The following FANCL variants were observed in gnomAD, a reference collection of about 807,000 sequenced individuals.
FANCL encodes the protein FA complementation group L, also known as E3 ubiquitin-protein ligase FANCL.
In FANCL, 69 loss-of-function variants were observed where a neutral mutation model predicts 59.4. That is an observed-to-expected ratio of 1.16 (90% CI 0.96 to 1.42). The LOEUF (loss-of-function observed/expected upper bound fraction) is 1.42, where lower values mean the gene tolerates loss of function less well. Among genes scored for constraint, FANCL ranks in the 40% most tolerant of loss-of-function variants. The probability of loss-of-function intolerance (pLI) is 0.00; values close to 1 mark genes in which losing one functional copy is unlikely to be tolerated. For synonymous variants in FANCL, 180 were observed against 147.1 expected (o/e 1.22, Z -1.62); for missense variants, 519 against 447.2 (o/e 1.16, Z -1.45).
chr2:58,184,049 G>C (rs1688173859), intron 7 of FANCL, among the ~76,000 whole-genome samples: 1 of 151,944 alleles, frequency 6.6e-6, no homozygotes, highest in South Asian at 2.1e-4. Context: ...AAATATAACT[G>C]TTTGAAAATC....
chr2:58,192,985 C>T (rs912725540), intron 7 of FANCL, among the ~76,000 whole-genome samples: 6 of 151,666 alleles, frequency 4.0e-5, no homozygotes, highest in African/African-American at 1.2e-4. Context: ...CTAAAAAATA[C>T]AATTAAAAAG....
At chr2:58,232,410 C>A (rs539632371) in intron 1 of FANCL, among the ~76,000 whole-genome samples, 1 of 151,954 alleles carries the variant, frequency 6.6e-6, no homozygotes, top group African/African-American at 2.4e-5. Flanking sequence ...AAATTGCTAA[C>A]CAGGCCCATA....
intron 7 of FANCL, among the ~76,000 whole-genome samples, chr2:58,179,768 A>G (rs1687736875): frequency 6.6e-6 from 1 of 152,196 alleles, no homozygotes; most frequent in Admixed American, 6.5e-5. Context: ...ACAGCAAAAG[A>G]AACTATCATT....
intron 2 of FANCL, 131 bp downstream of exon 2, chr2:58,231,923 G>A (rs746211577): frequency 1.8e-4 from 132 of 746,130 alleles, no homozygotes; most frequent in Non-Finnish European, 2.8e-4. Flanking sequence ...AATCAGAAAT[G>A]TTTCTTTTGG....
At chr2:58,177,629 T>G (rs1333091789) in intron 7 of FANCL, among the ~76,000 whole-genome samples, 1 of 78,726 alleles carries the variant, frequency 1.3e-5, no homozygotes, top group Non-Finnish European at 2.3e-5. Context: ...TGGGGACTGT[T>G]GTGGGGTGGG....
chr2:58,184,657 A>T (rs1413437648), intron 7 of FANCL, among the ~76,000 whole-genome samples: 1 of 152,130 alleles, frequency 6.6e-6, no homozygotes, highest in Non-Finnish European at 1.5e-5. Context: ...ACAACCCTTA[A>T]ACATACATAC....
At chr2:58,241,343 C>T (rs371921135), upstream of FANCL, 9 of 1,608,396 alleles carry the variant, frequency 5.6e-6, no homozygotes, top group African/African-American at 1.3e-5. Flanking sequence ...CACAGAAAAG[C>T]TCTAGACCTG....
Position 58,183,778 on chromosome 2 carries a change from C to A in FANCL, c.540+14816G>T, listed in dbSNP as rs115968355. Among the ~76,000 whole-genome samples the A allele has an allele frequency of 6.0e-3, 916 of 151,664 alleles. 12 individuals are homozygous for A. The highest frequency in any genetic ancestry group is 0.021 in the African/African-American group (865 of 41,444). On this transcript the variant is annotated intron_variant, in intron 7 of 13. Transcript: ENST00000233741. ...TCATTTCCTGATGCTCACAGTATAG[C>A]AAAAAAATACATTAAAGTTGATTCA...
chr2:58,169,555 G>C (rs1431673513), intron 7 of FANCL, among the ~76,000 whole-genome samples: 1 of 152,032 alleles, frequency 6.6e-6, no homozygotes, highest in Non-Finnish European at 1.5e-5. Context: ...GAATGAGTTT[G>C]ACAAACTGAC....
At chr2:58,202,878 A>G (rs149941247) in intron 6 of FANCL, among the ~76,000 whole-genome samples, 6 of 152,020 alleles carry the variant, frequency 3.9e-5, no homozygotes, top group Admixed American at 3.3e-4. Flanking sequence ...GACAGGGTGT[A>G]TTTAAAATCT....
At chr2:58,231,921 A>G (rs1693622096) in intron 2 of FANCL, 133 bp downstream of exon 2, 1 of 742,468 alleles carries the variant, frequency 1.3e-6, no homozygotes, top group Non-Finnish European at 2.4e-6. Context: ...AAAATCAGAA[A>G]TGTTTCTTTT....
At chr2:58,172,565 T>G (rs1305218668) in intron 7 of FANCL, among the ~76,000 whole-genome samples, 1 of 152,138 alleles carries the variant, frequency 6.6e-6, no homozygotes, top group Non-Finnish European at 1.5e-5. Context: ...GGTCTGTTTG[T>G]TAACAGAAAG....
rs1354227853 is a variant in FANCL at position 58,217,193 on chromosome 2, TATATATATATATATATATATATAC to T, written c.374+4725_374+4748del. 3.3e-3 allele frequency among the ~76,000 whole-genome samples: 45 copies of T among 13,692 alleles called. No individual in the cohort carries two copies. In the South Asian group the frequency reaches 0.034, roughly 10 times the overall value. The allele number at this position is 13,692 out of a possible 152,430, so 9.0% of individuals were successfully genotyped here. ...ATATATATATATATATATATATATA[TATATATATATATATATATATATAC>T]ACACACACACACACACACACACACA... On this transcript the variant is annotated intron_variant, in intron 5 of 13. Transcript: ENST00000233741.
chr2:58,201,827 G>A (rs1187243233), intron 6 of FANCL, among the ~76,000 whole-genome samples: 1 of 151,780 alleles, frequency 6.6e-6, no homozygotes, highest in Non-Finnish European at 1.5e-5. Flanking sequence ...GATCGTGAGG[G>A]GAAGTGGTAG....
chr2:58,219,175 T>G (rs374060779), intron 5 of FANCL, among the ~76,000 whole-genome samples: 116 of 51,498 alleles, frequency 2.3e-3, no homozygotes, highest in Middle Eastern at 0.023. Flanking sequence ...AAAAAAAATA[T>G]ATATATATAT....
At chr2:58,223,708 T>C (rs1692700601) in intron 4 of FANCL, among the ~76,000 whole-genome samples, 1 of 151,996 alleles carries the variant, frequency 6.6e-6, no homozygotes, top group South Asian at 2.1e-4. Context: ...GTGGCTCAGC[T>C]CTAAAATAGA....
At chr2:58,181,598 T>C (rs1687944777) in intron 7 of FANCL, among the ~76,000 whole-genome samples, 1 of 152,004 alleles carries the variant, frequency 6.6e-6, no homozygotes. Context: ...CAAGTTACTT[T>C]GTATAGAACT....
chr2:58,160,275 T>C, intron 12 of FANCL, 96 bp from the exon 13 acceptor site: 1 of 1,271,624 alleles, frequency 7.9e-7, no homozygotes, highest in Non-Finnish European at 1.1e-6. Context: ...GCATTATGTT[T>C]TTATTCCAGA....
At chr2:58,219,171 AATATATATATATAT>A (rs869094167) in intron 5 of FANCL, among the ~76,000 whole-genome samples, 43 of 19,262 alleles carry the variant, frequency 2.2e-3, no homozygotes, top group African/African-American at 7.9e-3. Context: ...AAAAAAAAAA[AATATATATATATAT>A]ATATATATAT....
Sources: allele counts gnomAD v4.1 joint callset (sites outside exome capture counted in the v4.1 genomes callset), GRCh38; gene constraint gnomAD v4.1.1; transcripts MANE v1.5; gene names NCBI Gene and HGNC (gene_info 2026-07-23, HGNC 2026-07-21).